The following NUDT6 variants were observed in gnomAD, a reference collection of about 807,000 sequenced individuals.
NUDT6 encodes the protein FAD diphosphatase NUDT6.
Under a neutral mutation model 36.8 loss-of-function variants are expected in NUDT6, and 24 were observed. The observed-to-expected ratio is 0.65, with a 90% CI of 0.47 to 0.92. The LOEUF is 0.92. NUDT6 is among the 40% of genes least tolerant of loss of function. The probability of loss-of-function intolerance (pLI) is 0.00; values close to 1 mark genes in which losing one functional copy is unlikely to be tolerated. For missense variants in NUDT6, 388 were observed against 392.8 expected (o/e 0.99, Z 0.10); for synonymous variants, 163 against 157.0 (o/e 1.04, Z -0.29).
At position 122,917,623 on chromosome 4, in the gene NUDT6, G is replaced by C. The variant is rs1326362896; in HGVS notation, c.320C>G (p.Pro107Arg). 3.1e-6 allele frequency: 5 copies of C among 1,614,054 alleles called. No homozygotes were observed. In the East Asian group the frequency reaches 1.1e-4, roughly 36 times the overall value. The stretch of plus-strand genomic sequence containing the variant: ...AAAGCAGAAGCCCAGGGAAGCAGCA[G>C]GGGCAATAAATCGGCTTTGGAGGAT... Reference protein sequence around the residue: ...IPILQSRFIAPAASLGFCFHH... With the variant: ...IPILQSRFIARAASLGFCFHH... The change falls in exon 2 of 5, where the codon CCT becomes CGT. Residue 107 changes from proline to arginine, a missense_variant. By Grantham distance (103) the Pro-to-Arg change is moderately radical. Coordinates refer to ENST00000304430, the MANE Select transcript of NUDT6 (RefSeq NM_007083.5).
intron 3 of NUDT6, among the ~76,000 whole-genome samples, chr4:122,901,001 CCCTT>C (rs1221160591): frequency 6.6e-6 from 1 of 152,148 alleles, no homozygotes; most frequent in Non-Finnish European, 1.5e-5. Flanking sequence ...TCTTTGTTCT[CCCTT>C]CCTATAAAAG....
rs1185671692 is a variant in NUDT6, at chr4:122,922,509, G to T, written c.64C>A (p.Pro22Thr). The T allele has an allele frequency of 6.2e-7, 1 of 1,609,512 alleles. No individual in the cohort carries two copies. The highest frequency in any genetic ancestry group is 1.1e-5 in the South Asian group (1 of 91,008). ...AMLARTYGPG[P>T]SAGYRWASGA... ...GAGGCCCAGCGGTAACCCGCCGAAGGCCCGGGGCCGTAGGTTCGGGCAAGC... is the reference window on the plus strand; with the variant it reads ...GAGGCCCAGCGGTAACCCGCCGAAGTCCCGGGGCCGTAGGTTCGGGCAAGC... Residue 22 changes from proline (P) to threonine (T), a missense_variant, in exon 1 of 5, where the codon CCT becomes ACT. Transcript: ENST00000304430.
intron 2 of NUDT6, among the ~76,000 whole-genome samples, chr4:122,916,674 T>TCTATTTAAAAGCACTATGTAATAGTC (rs1345823473): frequency 6.6e-6 from 1 of 152,342 alleles, no homozygotes; most frequent in Admixed American, 6.5e-5. Flanking sequence ...GCAAACTTCA[T>TCTATTTAAAAGCACTATGTAATAGTC]CTATTTAAAA....
At chr4:122,911,900 G>A (rs1223072814) in intron 3 of NUDT6, among the ~76,000 whole-genome samples, 1 of 152,102 alleles carries the variant, frequency 6.6e-6, no homozygotes, top group Non-Finnish European at 1.5e-5. Context: ...TAGCTCTCAA[G>A]TCAAATATCT....
rs533948587 is a variant in NUDT6 at position 122,908,166 on chromosome 4, C to T, written c.498+4402G>A. On this transcript the variant is annotated intron_variant, in intron 3 of 4. Transcript: ENST00000304430. ...ATGTGTAGGGAGGTTGGACACACCG[C>T]ATTATACCCCTTCCTTTTTGGAGTT... 8.5e-5 allele frequency among the ~76,000 whole-genome samples: 13 copies of T among 152,210 alleles called. No individual in the cohort carries two copies. The South Asian group carries it at 2.7e-3, about 32-fold the overall frequency.
At chr4:122,915,488 A>AAAAAAAAAAC (rs1727817057) in intron 2 of NUDT6, among the ~76,000 whole-genome samples, 1 of 109,578 alleles carries the variant, frequency 9.1e-6, no homozygotes, top group African/African-American at 2.7e-5. Context: ...AAAAAAAAAA[A>AAAAAAAAAAC]AAAAAAAAAA....
intron 4 of NUDT6, chr4:122,894,340 C>G (rs1165199244): frequency 2.0e-5 from 3 of 152,348 alleles, no homozygotes; most frequent in Non-Finnish European, 4.4e-5. Flanking sequence ...CCTATATTCC[C>G]TGCACTTTGG....
chr4:122,919,676 T>G (rs980807461), intron 1 of NUDT6: 1 of 152,226 alleles, frequency 6.6e-6, no homozygotes, highest in Non-Finnish European at 1.5e-5. Flanking sequence ...TGCTAATATC[T>G]ATCCTTTAAA....
At chr4:122,914,551 G>C (rs1166565970) in intron 2 of NUDT6, among the ~76,000 whole-genome samples, 2 of 152,124 alleles carry the variant, frequency 1.3e-5, no homozygotes, top group Admixed American at 6.5e-5. Context: ...TAGGCACTGT[G>C]CTTCAACGTA....
intron 3 of NUDT6, among the ~76,000 whole-genome samples, 185 bp downstream of exon 3, chr4:122,912,383 A>C (rs950986167): frequency 2.6e-5 from 4 of 152,166 alleles, no homozygotes; most frequent in African/African-American, 9.7e-5. Flanking sequence ...GTTACCTGGA[A>C]ATTTTCAAGG....
chr4:122,922,566 G>A lies in NUDT6; in HGVS notation c.7C>T (p.Gln3Ter). Residue 3 changes from glutamine to a stop codon, truncating the protein, a stop_gained, in exon 1 of 5, where the codon CAG (glutamine) becomes TAG (stop). Transcript: ENST00000304430. LOFTEE classifies it high-confidence loss of function. The stretch of plus-strand genomic sequence containing the variant: ...CGCCAGCGGCCCCAGCTCAGTGGCT[G>A]CCGCATCTCCACGCCGCTTAATTCG... The part of the protein sequence containing the change: MR[Q>*]PLSWGRWRAM... 3.8e-6 allele frequency: 6 copies of A among 1,594,030 alleles called. No individual in the cohort carries two copies. Among genetic ancestry groups the A allele is most frequent in the Non-Finnish European group, 5.1e-6 (6 of 1,174,844 alleles).
chr4:122,915,571 G>C (rs1727821629), intron 2 of NUDT6, among the ~76,000 whole-genome samples: 1 of 151,216 alleles, frequency 6.6e-6, no homozygotes, highest in South Asian at 2.1e-4. Context: ...TCAAATCCTA[G>C]TTAGTGTTCA....
intron 3 of NUDT6, among the ~76,000 whole-genome samples, chr4:122,900,064 C>CCT (rs1727486151): frequency 7.4e-6 from 1 of 135,498 alleles, no homozygotes; most frequent in African/African-American, 2.8e-5. Context: ...GCCACCCCCC[C>CCT]CCCGGCCCCC....
At chr4:122,900,915 T>A (rs537967158) in intron 3 of NUDT6, among the ~76,000 whole-genome samples, 1 of 152,178 alleles carries the variant, frequency 6.6e-6, no homozygotes, top group Admixed American at 6.5e-5. Flanking sequence ...ATTCTTTCTT[T>A]CCAGTATATT....
rs1171202512 is a variant in NUDT6 at position 122,892,921 on chromosome 4, C to T, written c.858G>A (p.Val286=). The T allele has an allele frequency of 1.2e-6, 2 of 1,613,954 alleles. No individual in the cohort carries two copies. Among genetic ancestry groups the T allele is most frequent in the African/African-American group, 2.7e-5 (2 of 74,888 alleles). Residue 286 remains valine, a synonymous_variant, in exon 5 of 5, where the codon GTG becomes GTA. Transcript: ENST00000304430. The part of the protein sequence containing the change: ...REGFDKIDLT[V]EELPAVYTGL... The stretch of plus-strand genomic sequence containing the variant: ...CTGTGTAAACTGCTGGAAGTTCTTC[C>T]ACAGTCAGGTCAATTTTGTCAAACC...
Position 122,897,611 on chromosome 4 carries a change from A to G in NUDT6, c.553+13T>C, listed in dbSNP as rs1169432364. 6.3e-7 allele frequency: 1 copy of G among 1,578,408 alleles called. No homozygotes were observed. The highest frequency in any genetic ancestry group is 1.7e-5 in the Admixed American group (1 of 59,838). Reference sequence around the variant, plus strand: ...ACATTTTTAAGCCAATTAAAAATATAAAAGATACACACCAATATCTTCTTC... The same window carrying G: ...ACATTTTTAAGCCAATTAAAAATATGAAAGATACACACCAATATCTTCTTC... On this transcript the variant is annotated intron_variant, in intron 4 of 4. Coordinates refer to ENST00000304430, the MANE Select transcript of NUDT6 (RefSeq NM_007083.5).
At chr4:122,907,874 G>C (rs969706304) in intron 3 of NUDT6, among the ~76,000 whole-genome samples, 3 of 152,148 alleles carry the variant, frequency 2.0e-5, no homozygotes, top group South Asian at 2.1e-4. Flanking sequence ...GTAATCTGTA[G>C]ATCTCTAAGG....
intron 2 of NUDT6, 77 bp from the exon 3 acceptor site, chr4:122,912,700 G>T: frequency 1.1e-6 from 1 of 921,378 alleles, no homozygotes; most frequent in Non-Finnish European, 1.7e-6. Context: ...CTCTCTATCT[G>T]TGGTGATAAA....
At chr4:122,913,596 C>G (rs1402844017) in intron 2 of NUDT6, among the ~76,000 whole-genome samples, 1 of 152,176 alleles carries the variant, frequency 6.6e-6, no homozygotes, top group Non-Finnish European at 1.5e-5. Context: ...TCTCAAATAT[C>G]TCAATATTCA....
Sources: allele counts gnomAD v4.1 joint callset (sites outside exome capture counted in the v4.1 genomes callset), GRCh38; gene constraint gnomAD v4.1.1; transcripts MANE v1.5; gene names NCBI Gene and HGNC (gene_info 2026-07-23, HGNC 2026-07-21).